The following SQSTM1 variants were observed in gnomAD, a reference collection of about 807,000 sequenced individuals.
The protein encoded by SQSTM1 is sequestosome-1.
A neutral mutation model predicts 45.1 loss-of-function variants in SQSTM1; 36 were observed. The ratio of observed to expected loss-of-function variants is 0.80; its 90% confidence interval spans 0.61 to 1.05. SQSTM1 has a LOEUF of 1.05. SQSTM1 is among the 50% of genes least tolerant of loss of function. The pLI is 0.00. For missense variants in SQSTM1, 617 were observed against 607.1 expected, an observed-to-expected ratio of 1.02 and a Z score of -0.17; for synonymous variants, 290 against 244.3, an observed-to-expected ratio of 1.19 and a Z score of -1.74.
intron 6 of SQSTM1, 38 bp from the exon 7 acceptor site, chr5:179,833,549 G>A (rs374511292): frequency 6.5e-5 from 105 of 1,609,950 alleles, no homozygotes; most frequent in Non-Finnish European, 7.9e-5. Flanking sequence ...GGCCTGTTGC[G>A]CGTGTCTCCT....
chr5:179,833,523 G>C (rs541708246), intron 6 of SQSTM1, 64 bp from the exon 7 acceptor site: 1 of 1,573,556 alleles, frequency 6.4e-7, no homozygotes, highest in Non-Finnish European at 8.7e-7. Context: ...CAGGAGCCAG[G>C]GCCATGGTCA....
chr5:179,808,816 A>AT (rs528695005), intron 1 of SQSTM1, among the ~76,000 whole-genome samples: 6 of 151,474 alleles, frequency 4.0e-5, no homozygotes, highest in Non-Finnish European at 5.9e-5. Context: ...ATTTTTTTGG[A>AT]TTTTTTTGTA....
In SQSTM1 at chr5:179,838,044, ACAAAG is replaced by A; in HGVS notation, c.*1456_*1460del. ...GGCTTTGATTTTGAGGGTTAGCAAG[ACAAAG>A]CAAATAAATGCCTTCCACCTCACCG... On this transcript the variant is annotated 3_prime_UTR_variant, in exon 8 of 8. Coordinates refer to ENST00000389805, the MANE Select transcript of SQSTM1 (RefSeq NM_003900.5). 1 of 668,980 alleles carries A rather than the reference ACAAAG, an allele frequency of 1.5e-6. No homozygotes were observed. The highest frequency in any genetic ancestry group is 2.5e-6 in the Non-Finnish European group (1 of 399,948). 41.4% of individuals were successfully genotyped at this position (668,980 alleles called of 1,614,324 possible). A position where few individuals can be genotyped will look rare whatever the true frequency, so the allele number is the denominator to read the frequency against.
At chr5:179,835,714 CTT>C (rs1328783152) in intron 7 of SQSTM1, 1 of 155,968 alleles carries the variant, frequency 6.4e-6, no homozygotes, top group Non-Finnish European at 1.4e-5. Context: ...ATTCTTATGT[CTT>C]TGCATCATCA....
intron 7 of SQSTM1, chr5:179,835,872 A>G (rs928222407): frequency 5.6e-5 from 10 of 179,438 alleles, no homozygotes; most frequent in African/African-American, 2.4e-4. Context: ...GTAGTATTCC[A>G]TGGTGTATAT....
upstream of SQSTM1, among the ~76,000 whole-genome samples, chr5:179,819,704 C>T (rs1757700821): frequency 1.3e-5 from 2 of 152,196 alleles, no homozygotes; most frequent in Non-Finnish European, 2.9e-5. Flanking sequence ...GCATTTTCCA[C>T]TCTCCACCGC....
chr5:179,816,095 G>A (rs1282976412), upstream of SQSTM1, among the ~76,000 whole-genome samples: 1 of 152,174 alleles, frequency 6.6e-6, no homozygotes, highest in Non-Finnish European at 1.5e-5. Flanking sequence ...TGCGGGCCCT[G>A]CTGGGAAGCA....
intron 7 of SQSTM1, among the ~76,000 whole-genome samples, chr5:179,834,238 GGGGGGT>G (rs1398355344): frequency 1.1e-4 from 11 of 102,912 alleles, no homozygotes; most frequent in Non-Finnish European, 2.0e-4. Context: ...GGCAGCAGTG[GGGGGGT>G]GGGGGGTGGG....
At chr5:179,834,763 C>T (rs1451320649) in intron 7 of SQSTM1, among the ~76,000 whole-genome samples, 2 of 152,240 alleles carry the variant, frequency 1.3e-5, no homozygotes, top group Non-Finnish European at 1.5e-5. Flanking sequence ...AAGAATTTTT[C>T]TTAGTACAGA....
At chr5:179,819,795 G>A (rs1438946949), upstream of SQSTM1, among the ~76,000 whole-genome samples, 2 of 152,186 alleles carry the variant, frequency 1.3e-5, no homozygotes, top group Non-Finnish European at 2.9e-5. Flanking sequence ...GGAGCCCTCC[G>A]GGAAGGATCA....
In SQSTM1 at chr5:179,833,679, G is replaced by T. The variant is rs976860428; in HGVS notation, c.1062G>T (p.Gln354His). The T allele has an allele frequency of 4.3e-6, 7 of 1,614,074 alleles. No individual in the cohort carries two copies. The highest frequency in any genetic ancestry group is 5.9e-6 in the Non-Finnish European group (7 of 1,180,038). The stretch of plus-strand genomic sequence containing the variant: ...TGGACCCGTCTACAGGTGAACTCCA[G>T]TCCCTACAGATGCCAGAATCCGAAG... ...KEVDPSTGEL[Q>H]SLQMPESEGP... The change falls in exon 7 of 8, where the codon CAG (glutamine) becomes CAT (histidine). Residue 354 changes from glutamine to histidine, a missense_variant. Coordinates refer to ENST00000389805, the MANE Select transcript of SQSTM1 (RefSeq NM_003900.5).
rs1582008478 is a variant in SQSTM1, at chr5:179,824,189, C to T, written c.539C>T (p.Ser180Leu). 9.9e-6 allele frequency: 16 copies of T among 1,613,768 alleles called. No homozygotes were observed. Among genetic ancestry groups the T allele is most frequent in the East Asian group, 2.2e-5 (1 of 44,882 alleles). ...SPFGHLSEGF[S>L]HSRWLRKVKH... ...TGCTAATTCCTCCCCCAGGGCTTCTCGCACAGCCGCTGGCTCCGGAAGGTG... is the reference window on the plus strand; with the variant it reads ...TGCTAATTCCTCCCCCAGGGCTTCTTGCACAGCCGCTGGCTCCGGAAGGTG... The change falls in exon 4 of 8, where the codon TCG (serine) becomes TTG (leucine). Residue 180 changes from serine to leucine, a missense_variant. Physicochemically the swap from Ser to Leu is moderately radical, Grantham distance 145 (BLOSUM62 -2). Transcript: ENST00000389805.
chr5:179,821,057 C>T lies in SQSTM1; in HGVS notation c.121C>T (p.Pro41Ser), dbSNP rs1377640860. 6.6e-7 allele frequency: 1 copy of T among 1,508,102 alleles called. No homozygotes were observed. The highest frequency in any genetic ancestry group is 8.8e-7 in the Non-Finnish European group (1 of 1,134,472). 93.4% of individuals were successfully genotyped at this position (1,508,102 alleles called of 1,614,324 possible). The change falls in exon 1 of 8, where the codon CCG becomes TCG. Residue 41 changes from proline to serine, a missense_variant. Physicochemically the swap from Pro to Ser is moderately conservative, Grantham distance 74. Transcript: ENST00000389805. ...GGCGGAAGCCGAGGCTGCGGCGGGTCCGGGACCCTGCGAGCGGCTGCTGAG... is the reference window on the plus strand; with the variant it reads ...GGCGGAAGCCGAGGCTGCGGCGGGTTCGGGACCCTGCGAGCGGCTGCTGAG... ...PEAEAEAAAG[P>S]GPCERLLSRV...
At chr5:179,810,837 G>A (rs980962912) in intron 1 of SQSTM1, among the ~76,000 whole-genome samples, 2 of 152,044 alleles carry the variant, frequency 1.3e-5, no homozygotes, top group Non-Finnish European at 2.9e-5. Flanking sequence ...ATCTCAATGT[G>A]GTTTTGATTT....
intron 2 of SQSTM1, 31 bp downstream of exon 2, chr5:179,823,084 C>G: frequency 4.4e-6 from 7 of 1,593,214 alleles, no homozygotes; most frequent in Non-Finnish European, 6.0e-6. Context: ...CTGCCTGAAG[C>G]CAGCTCAGCT....
chr5:179,837,964 C>T lies in SQSTM1; in HGVS notation c.*1371C>T. 2.2e-6 allele frequency: 3 copies of T among 1,385,648 alleles called. No homozygotes were observed. Among genetic ancestry groups the T allele is most frequent in the Non-Finnish European group, 2.9e-6 (3 of 1,021,326 alleles). The allele number at this position is 1,385,648 out of a possible 1,614,324, so 85.8% of individuals were successfully genotyped here. ...GGAGGACCGCCTGCCCTGCCTGGGC[C>T]TTGGCTGGGCCTCTGGTTCTGACAC... On this transcript the variant is annotated 3_prime_UTR_variant, in exon 8 of 8. Coordinates refer to ENST00000389805, the MANE Select transcript of SQSTM1 (RefSeq NM_003900.5).
intron 7 of SQSTM1, 24 bp from the exon 8 acceptor site, chr5:179,836,412 A>G (rs770648641): frequency 4.3e-6 from 7 of 1,614,024 alleles, no homozygotes; most frequent in Non-Finnish European, 5.9e-6. Context: ...ACCACTCCTC[A>G]TGGCTTCCTT....
At chr5:179,807,123 G>A (rs181836948) in intron 1 of SQSTM1, among the ~76,000 whole-genome samples, 13 of 151,872 alleles carry the variant, frequency 8.6e-5, no homozygotes, top group African/African-American at 3.1e-4. Context: ...GTCGGCCTCA[G>A]GTAAGGCTGG....
At chr5:179,830,514 TGGGACTACA>T (rs918669598) in intron 5 of SQSTM1, among the ~76,000 whole-genome samples, 16 of 152,192 alleles carry the variant, frequency 1.1e-4, no homozygotes, top group Non-Finnish European at 1.6e-4. Flanking sequence ...CCCCAGTAGC[TGGGACTACA>T]GGCATGTGCC....
Sources: gnomAD v4.1 joint callset for allele counts (sites outside exome capture counted in the v4.1 genomes callset) on GRCh38, gnomAD v4.1.1 for gene constraint, MANE v1.5 for transcripts, NCBI Gene and HGNC (gene_info 2026-07-23, HGNC 2026-07-21) for gene names.